Variants in PAICS observed in about 807,000 individuals in gnomAD.
PAICS encodes phosphoribosylaminoimidazole carboxylase and phosphoribosylaminoimidazolesuccinocarboxamide synthase.
Under a neutral mutation model 53.7 loss-of-function variants are expected in PAICS, and 33 were observed. The observed-to-expected ratio is 0.61, with a 90% CI of 0.47 to 0.82. PAICS has a LOEUF of 0.82. PAICS is among the 40% of genes least tolerant of loss of function. PAICS has a pLI of 0.00. For synonymous variants in PAICS, 141 were observed against 167.2 expected, an observed-to-expected ratio of 0.84 and a Z score of 1.21; for missense variants, 394 against 494.1, an observed-to-expected ratio of 0.80 and a Z score of 1.92.
intron 8 of PAICS, among the ~76,000 whole-genome samples, chr4:56,459,049 G>A (rs1441564628): frequency 6.6e-6 from 1 of 152,088 alleles, no homozygotes. Context: ...GTTGTTCTTC[G>A]CCAGGGATTG....
chr4:56,422,144 C>T, the PAICS span: 2 of 152,194 alleles, frequency 1.3e-5, no homozygotes, highest in Non-Finnish European at 2.9e-5. Context: ...TGTGGTGGCA[C>T]ATGCCTGTAA....
intron 7 of PAICS, 118 bp downstream of exon 7, chr4:56,452,170 A>G: frequency 1.5e-6 from 1 of 673,784 alleles, no homozygotes; most frequent in East Asian, 2.8e-5. Context: ...GGAAAAACAC[A>G]TGATATACTA....
intron 2 of PAICS, among the ~76,000 whole-genome samples, chr4:56,446,182 CCAATT>C (rs1718605354): frequency 6.6e-6 from 1 of 152,140 alleles, no homozygotes; most frequent in Non-Finnish European, 1.5e-5. Flanking sequence ...TTTTAAGTGT[CCAATT>C]CAGTGGCATT....
chr4:56,436,382 G>A, intron 1 of PAICS, 54 bp downstream of exon 1: 1 of 1,368,566 alleles, frequency 7.3e-7, no homozygotes, highest in Non-Finnish European at 1.0e-6. Context: ...CAGGCCGTGA[G>A]CTCGCGGCCA....
the PAICS span, among the ~76,000 whole-genome samples, chr4:56,411,119 T>C: frequency 6.6e-6 from 1 of 152,126 alleles, no homozygotes; most frequent in East Asian, 1.9e-4. Context: ...TAAAAAAATC[T>C]GTAAAATACA....
In PAICS at chr4:56,436,329, G is replaced by A. The variant is rs1256189997; in HGVS notation, c.16+1G>A. On this transcript the variant is annotated splice_donor_variant, in intron 1 of 8. Transcript: ENST00000512576. LOFTEE classifies it high-confidence loss of function. The stretch of plus-strand genomic sequence containing the variant: ...CTTAGGATAATGGCGACAGCTGAGG[G>A]TGAGTAACAGGGATCCGGGCCCTTC... The A allele has an allele frequency of 6.3e-7, 1 of 1,596,626 alleles. No individual in the cohort carries two copies. The highest frequency in any genetic ancestry group is 1.1e-5 in the South Asian group (1 of 88,590).
Position 56,460,183 on chromosome 4 carries a change from G to C in PAICS, c.*645G>C, listed in dbSNP as rs550357995. 1.3e-5 allele frequency: 2 copies of C among 152,308 alleles called. No individual in the cohort carries two copies. Among genetic ancestry groups the C allele is most frequent in the Non-Finnish European group, 2.9e-5 (2 of 68,090 alleles). 9.4% of individuals were successfully genotyped at this position (152,308 alleles called of 1,614,324 possible). ...GTTACAGACATGAGCCACTGTGCCT[G>C]TCTAGACTTGTACTTTCAACTGTCC... is the stretch of plus-strand genomic sequence containing the variant. On this transcript the variant is annotated 3_prime_UTR_variant, in exon 9 of 9. Coordinates refer to ENST00000512576, the MANE Select transcript of PAICS (RefSeq NM_001079524.2).
the PAICS span, among the ~76,000 whole-genome samples, chr4:56,411,986 T>C: frequency 6.6e-6 from 1 of 152,218 alleles, no homozygotes; most frequent in African/African-American, 2.4e-5. Context: ...GTTATTACCA[T>C]ATTAAACAGC....
chr4:56,446,307 A>G (rs1173524908), intron 2 of PAICS: 1 of 715,316 alleles, frequency 1.4e-6, no homozygotes. Flanking sequence ...CCCACTCCTC[A>G]GCCCTTGGTA....
At position 56,462,566 on chromosome 4, in the gene PAICS, G is replaced by A. The variant is rs574312561; in HGVS notation, c.*3028G>A. ...CCTCAATTTCATGAAATGAAAATGC[G>A]ACTAATACCACCTCATAAAGTTGTG... On this transcript the variant is annotated 3_prime_UTR_variant, in exon 9 of 9. Transcript: ENST00000512576. 1.3e-5 allele frequency: 2 copies of A among 152,248 alleles called. No homozygotes were observed. The highest frequency in any genetic ancestry group is 3.9e-4 in the East Asian group (2 of 5,184). The allele number at this position is 152,248 out of a possible 1,614,324, so 9.4% of individuals were successfully genotyped here.
the PAICS span, chr4:56,410,704 C>T: frequency 4.0e-5 from 39 of 986,064 alleles, no homozygotes; most frequent in Non-Finnish European, 4.6e-5. Flanking sequence ...GGGCTAAGTA[C>T]AAAAATCTCA....
At chr4:56,437,812 T>C (rs1330914512) in intron 1 of PAICS, among the ~76,000 whole-genome samples, 1 of 101,694 alleles carries the variant, frequency 9.8e-6, no homozygotes, top group South Asian at 3.6e-4. Context: ...AGAGAGAGAC[T>C]CTGTCTCAAA....
chr4:56,447,859 G>A (rs751340832), intron 3 of PAICS, among the ~76,000 whole-genome samples: 12 of 152,016 alleles, frequency 7.9e-5, no homozygotes, highest in Admixed American at 6.6e-5. Flanking sequence ...GAATTAAGGA[G>A]TATCGTAAAC....
chr4:56,432,640 C>T (rs960524812), upstream of PAICS, among the ~76,000 whole-genome samples: 1 of 151,238 alleles, frequency 6.6e-6, no homozygotes, highest in Admixed American at 6.6e-5. Flanking sequence ...AAAAAATTAG[C>T]CGGGCGTGGT....
the PAICS span, among the ~76,000 whole-genome samples, chr4:56,412,254 G>A: frequency 4.0e-5 from 6 of 151,114 alleles, no homozygotes; most frequent in East Asian, 9.7e-4. Context: ...AACTATGCAC[G>A]TTTAGTTACC....
upstream of PAICS, among the ~76,000 whole-genome samples, chr4:56,432,657 C>A (rs1481570368): frequency 6.6e-6 from 1 of 151,116 alleles, no homozygotes; most frequent in African/African-American, 2.4e-5. Context: ...TGGTGGGGGG[C>A]GCCTGTAGTC....
At chr4:56,436,183 C>G (rs1560654609), upstream of PAICS, 9 of 1,509,138 alleles carry the variant, frequency 6.0e-6, no homozygotes, top group Non-Finnish European at 8.0e-6. Flanking sequence ...TAGCGGAGCT[C>G]GAAAAGAGTG....
Position 56,440,033 on chromosome 4 carries a change from T to C in PAICS, c.17-1630T>C, listed in dbSNP as rs1460523586. 2.0e-5 allele frequency among the ~76,000 whole-genome samples: 3 copies of C among 152,218 alleles called. No homozygotes were observed. In the East Asian group the frequency reaches 5.8e-4, roughly 29 times the overall value. ...TTCATTGTCCATACAGAAGCCGTAA[T>C]GATCTTTCCAAATAGCGTTTTGCTT... On this transcript the variant is annotated intron_variant, in intron 1 of 8. Coordinates refer to ENST00000512576, the MANE Select transcript of PAICS (RefSeq NM_001079524.2).
the PAICS span, among the ~76,000 whole-genome samples, chr4:56,430,442 GACC>G: frequency 6.6e-6 from 1 of 152,062 alleles, no homozygotes; most frequent in African/African-American, 2.4e-5. Flanking sequence ...CGAGGGCAGG[GACC>G]ACATCTGCCC....
Sources: allele counts gnomAD v4.1 joint callset (sites outside exome capture counted in the v4.1 genomes callset), GRCh38; gene constraint gnomAD v4.1.1; transcripts MANE v1.5; gene names NCBI Gene and HGNC (gene_info 2026-07-23, HGNC 2026-07-21).